The following SLC22A14 variants were observed in gnomAD, a reference collection of about 807,000 sequenced individuals.
The protein encoded by SLC22A14 is organic cation transporter-like 4.
Under a neutral mutation model 53.9 loss-of-function variants are expected in SLC22A14, and 50 were observed. The ratio of observed to expected loss-of-function variants is 0.93; its 90% CI spans 0.74 to 1.17. SLC22A14 has a LOEUF of 1.17. Ranked by LOEUF, SLC22A14 falls within the 50% of genes most tolerant of loss-of-function variation. The pLI, the probability that SLC22A14 is intolerant of heterozygous loss-of-function variation, is 0.00. For missense variants in SLC22A14, 671 were observed against 734.7 expected (o/e 0.91, Z 1.00); for synonymous variants, 312 against 303.0 (o/e 1.03, Z -0.31).
chr3:38,298,058 C>G (rs73825512), intron 1 of SLC22A14, among the ~76,000 whole-genome samples: 9,745 of 152,154 alleles, frequency 0.064, 368 homozygotes, highest in East Asian at 0.16. Context: ...TATTTATTCA[C>G]TTATTTATAT....
intron 1 of SLC22A14, chr3:38,305,149 A>C (rs1218306928): frequency 6.6e-6 from 1 of 152,246 alleles, no homozygotes; most frequent in African/African-American, 2.4e-5. Context: ...ATCCTTAAAA[A>C]GTTCATACAA....
At chr3:38,296,130 G>C (rs544225542) in intron 1 of SLC22A14, among the ~76,000 whole-genome samples, 1 of 152,236 alleles carries the variant, frequency 6.6e-6, no homozygotes, top group African/African-American at 2.4e-5. Flanking sequence ...CAAGAAAGTC[G>C]TGGTTGGGAC....
chr3:38,284,831 A>G (rs1396851806), intron 1 of SLC22A14, among the ~76,000 whole-genome samples: 5 of 152,176 alleles, frequency 3.3e-5, no homozygotes, highest in African/African-American at 1.2e-4. Flanking sequence ...AATACAAATT[A>G]TAAGACCCAA....
At position 38,306,069 on chromosome 3, in the gene SLC22A14, G is replaced by A; in HGVS notation, c.43G>A (p.Asp15Asn). The change falls in exon 2 of 11, where the codon GAT becomes AAT. Residue 15 changes from aspartate (D) to asparagine (N), a missense_variant. Transcript: ENST00000448498. ...ENFKEELRSQ[D>N]ASRNLNQHEV... ...CTTCAAGGAAGAGCTCAGATCCCAG[G>A]ATGCTTCCAGGAACTTGAACCAGCA... 3 of 1,613,982 alleles carry A rather than the reference G, an allele frequency of 1.9e-6. No individual in the cohort carries two copies. Among genetic ancestry groups the A allele is most frequent in the Non-Finnish European group, 2.5e-6 (3 of 1,179,922 alleles).
intron 1 of SLC22A14, 145 bp from the exon 2 acceptor site, chr3:38,305,882 G>C: frequency 1.3e-6 from 1 of 746,358 alleles, no homozygotes; most frequent in Non-Finnish European, 2.3e-6. Context: ...AAGAAAGCAA[G>C]GGAGGGAACT....
In SLC22A14 at chr3:38,301,065, C is replaced by G. The variant is rs920250011; in HGVS notation, c.1-4962C>G. Among the ~76,000 whole-genome samples, 3 of 152,090 alleles carry G rather than the reference C, an allele frequency of 2.0e-5. No individual in the cohort carries two copies. The South Asian group carries it at 6.2e-4, about 31-fold the overall frequency. ...AACTCCTGGCCTCAGGCATTTCTCCCCCCTCAGCCTCCCCAAATGCTGGGA... is the reference window on the plus strand; with the variant it reads ...AACTCCTGGCCTCAGGCATTTCTCCGCCCTCAGCCTCCCCAAATGCTGGGA... On this transcript the variant is annotated intron_variant, in intron 1 of 10. Transcript: ENST00000448498.
At chr3:38,313,224 G>A (rs760593554) in intron 6 of SLC22A14, 105 bp downstream of exon 6, 60 of 1,507,758 alleles carry the variant, frequency 4.0e-5, no homozygotes, top group Non-Finnish European at 5.5e-5. Context: ...GGTGCCCCCA[G>A]TCCACTGCTT....
chr3:38,294,537 G>T (rs149750), intron 1 of SLC22A14, among the ~76,000 whole-genome samples: 2 of 151,982 alleles, frequency 1.3e-5, no homozygotes, highest in Non-Finnish European at 2.9e-5. Context: ...TTTTTGCCTT[G>T]GGGGGAATGC....
Position 38,306,632 on chromosome 3 carries a change from C to T in SLC22A14, c.516+90C>T. 2.3e-6 allele frequency: 3 copies of T among 1,314,220 alleles called. No individual in the cohort carries two copies. In the African/African-American group the frequency reaches 4.4e-5, roughly 19 times the overall value. The allele number at this position is 1,314,220 out of a possible 1,614,324, so 81.4% of individuals were successfully genotyped here. On this transcript the variant is annotated intron_variant, in intron 2 of 10. Transcript: ENST00000448498. ...CTGAATGGGTGGGGAAACCGAAGCT[C>T]AGAGATGGGAAGCCATTGGCCTGAG...
intron 1 of SLC22A14, among the ~76,000 whole-genome samples, chr3:38,292,666 A>G (rs1053399424): frequency 6.6e-6 from 1 of 152,024 alleles, no homozygotes; most frequent in Admixed American, 6.6e-5. Context: ...GTTTAATTTG[A>G]ACAGGACGGG....
upstream of SLC22A14, among the ~76,000 whole-genome samples, chr3:38,282,142 G>C (rs573275875): frequency 8.5e-5 from 13 of 152,296 alleles, no homozygotes; most frequent in South Asian, 2.7e-3. Flanking sequence ...GGGCAGGGGG[G>C]TTCGTGTGGC....
chr3:38,295,972 A>ATGCCTAAGGATGC (rs1559546055), intron 1 of SLC22A14, among the ~76,000 whole-genome samples: 1 of 152,222 alleles, frequency 6.6e-6, no homozygotes, highest in African/African-American at 2.4e-5. Flanking sequence ...TATAGCCTAG[A>ATGCCTAAGGATGC]TGCCTAAGGA....
intron 1 of SLC22A14, among the ~76,000 whole-genome samples, chr3:38,286,528 G>A (rs1339285554): frequency 1.3e-5 from 2 of 149,430 alleles, no homozygotes; most frequent in Non-Finnish European, 3.0e-5. Context: ...CTCCTGCCTC[G>A]GCCTCCCGAG....
In SLC22A14 at chr3:38,306,037, A is replaced by G. The variant is rs1704290459; in HGVS notation, c.11A>G (p.Glu4Gly). ...CCTTTCTTTGGACAGATGGCAGGAGAGGAGAACTTCAAGGAAGAGCTCAGA... is the reference window on the plus strand; with the variant it reads ...CCTTTCTTTGGACAGATGGCAGGAGGGGAGAACTTCAAGGAAGAGCTCAGA... MAG[E>G]ENFKEELRSQ... Residue 4 changes from glutamate (E) to glycine (G), a missense_variant, in exon 2 of 11, where the codon GAG (glutamate) becomes GGG (glycine). Glu to Gly is a moderately conservative substitution (Grantham distance 98). Transcript: ENST00000448498. 6.2e-7 allele frequency: 1 copy of G among 1,610,960 alleles called. No individual in the cohort carries two copies. The highest frequency in any genetic ancestry group is 8.5e-7 in the Non-Finnish European group (1 of 1,178,200).
chr3:38,280,633 T>C (rs1197312203), upstream of SLC22A14, among the ~76,000 whole-genome samples: 3 of 144,546 alleles, frequency 2.1e-5, no homozygotes, highest in Non-Finnish European at 4.6e-5. Context: ...TCTGGGATCT[T>C]TTTTTTTTTT....
At chr3:38,282,812 C>T (rs1703702249) in intron 1 of SLC22A14, among the ~76,000 whole-genome samples, 1 of 152,158 alleles carries the variant, frequency 6.6e-6, no homozygotes, top group African/African-American at 2.4e-5. Context: ...ACAGCGGAGG[C>T]TCTCCCTCCC....
chr3:38,314,820 T>C (rs1028354518), intron 8 of SLC22A14, among the ~76,000 whole-genome samples: 3 of 152,150 alleles, frequency 2.0e-5, no homozygotes, highest in Admixed American at 2.0e-4. Context: ...AAAAAGCAGG[T>C]CTACACTGAG....
Position 38,316,453 on chromosome 3 carries a change from C to T in SLC22A14, c.1662C>T (p.Ser554=). Reference sequence around the variant, plus strand: ...GCGTCTTAGCCATCGTGGCCTTTTCCCTCTCCTCCCTGCTGCCGGAAACGC... The same window carrying T: ...GCGTCTTAGCCATCGTGGCCTTTTCTCTCTCCTCCCTGCTGCCGGAAACGC... ...LCCVLAIVAF[S]LSSLLPETRD... is the part of the protein sequence containing the mutation. Residue 554 remains serine (S), a synonymous_variant, in exon 10 of 11, where the codon TCC becomes TCT. Transcript: ENST00000448498. The T allele has an allele frequency of 6.2e-7, 1 of 1,614,148 alleles. No homozygotes were observed.
At chr3:38,312,862 G>A in intron 5 of SLC22A14, 137 bp from the exon 6 acceptor site, 5 of 1,155,948 alleles carry the variant, frequency 4.3e-6, no homozygotes, top group Non-Finnish European at 4.9e-6. Context: ...CTCGAGGTCA[G>A]TGGTGGCCTT....
Sources: allele counts gnomAD v4.1 joint callset (sites outside exome capture counted in the v4.1 genomes callset), GRCh38; gene constraint gnomAD v4.1.1; transcripts MANE v1.5; gene names NCBI Gene and HGNC (gene_info 2026-07-23, HGNC 2026-07-21).